CSMD3: variants seen among roughly 807,000 people sequenced by gnomAD.
The protein encoded by CSMD3 is CUB and sushi domain-containing protein 3.
Under a neutral mutation model 435.2 loss-of-function variants are expected in CSMD3, and 177 were observed. That is an observed-to-expected ratio of 0.41 (90% CI 0.36 to 0.46). CSMD3 has a LOEUF of 0.46. Among genes scored for constraint, CSMD3 ranks in the 20% least tolerant of loss-of-function variants. The probability of loss-of-function intolerance (pLI) is 0.34; values close to 1 mark genes in which losing one functional copy is unlikely to be tolerated. For synonymous variants in CSMD3, 1,656 were observed against 1,520.5 expected, an observed-to-expected ratio of 1.09 and a Z score of -2.07; for missense variants, 4,265 against 4,504.6, an observed-to-expected ratio of 0.95 and a Z score of 1.52.
chr8:112,929,760 G>A (rs2083045622), intron 9 of CSMD3, among the ~76,000 whole-genome samples: 1 of 151,954 alleles, frequency 6.6e-6, no homozygotes, highest in Admixed American at 6.6e-5. Context: ...GTTACTAGTA[G>A]AATGCGTTAG....
intron 28 of CSMD3, among the ~76,000 whole-genome samples, chr8:112,511,656 C>G (rs1215347046): frequency 6.6e-6 from 1 of 151,964 alleles, no homozygotes; most frequent in Non-Finnish European, 1.5e-5. Context: ...TCCCAAAGTG[C>G]TGGGATTACA....
At chr8:113,181,500 C>T (rs1299390446) in intron 3 of CSMD3, among the ~76,000 whole-genome samples, 1 of 151,958 alleles carries the variant, frequency 6.6e-6, no homozygotes, top group African/African-American at 2.4e-5. Context: ...GTTATGTTGA[C>T]CCATGAATAA....
intron 16 of CSMD3, among the ~76,000 whole-genome samples, chr8:112,681,503 T>C (rs74378115): frequency 5.3e-5 from 8 of 152,290 alleles, no homozygotes; most frequent in Admixed American, 2.0e-4. Context: ...ATGTAATTGA[T>C]GTTTTACTTT....
intron 22 of CSMD3, among the ~76,000 whole-genome samples, chr8:112,597,286 CA>C (rs997719804): frequency 4.0e-4 from 61 of 152,216 alleles, no homozygotes; most frequent in African/African-American, 1.4e-3. Flanking sequence ...ATAAATTCCT[CA>C]ACATATACAC....
At chr8:113,264,861 T>G in intron 3 of CSMD3, among the ~76,000 whole-genome samples, 1 of 151,688 alleles carries the variant, frequency 6.6e-6, no homozygotes, top group East Asian at 1.9e-4. Context: ...TTCCTTAACG[T>G]AGGAGATGTA....
At chr8:112,363,905 T>C (rs1827501212) in intron 38 of CSMD3, among the ~76,000 whole-genome samples, 1 of 152,064 alleles carries the variant, frequency 6.6e-6, no homozygotes. Flanking sequence ...CTACAATTAA[T>C]ATTTATTACA....
intron 32 of CSMD3, among the ~76,000 whole-genome samples, chr8:112,458,897 A>T (rs1817133903): frequency 6.6e-6 from 1 of 152,116 alleles, no homozygotes. Flanking sequence ...CTTTCTACTC[A>T]TGTGCCTGCT....
At chr8:112,466,637 C>T (rs1817982096) in intron 32 of CSMD3, among the ~76,000 whole-genome samples, 1 of 152,038 alleles carries the variant, frequency 6.6e-6, no homozygotes, top group African/African-American at 2.4e-5. Flanking sequence ...ATCTTATTTT[C>T]AATCCATTGT....
chr8:112,707,093 C>A (rs1041369608), intron 13 of CSMD3, among the ~76,000 whole-genome samples: 8 of 151,954 alleles, frequency 5.3e-5, no homozygotes, highest in Admixed American at 3.3e-4. Context: ...TAATAGCAAT[C>A]AAAGTAAATG....
intron 59 of CSMD3, 60 bp from the exon 60 acceptor site, chr8:112,265,650 G>C (rs1816876393): frequency 8.5e-7 from 1 of 1,176,414 alleles, no homozygotes; most frequent in Admixed American, 1.7e-5. Flanking sequence ...ATGGAGAGGA[G>C]TAGTAAGCAT....
intron 5 of CSMD3, among the ~76,000 whole-genome samples, chr8:113,025,344 T>C (rs1360072564): frequency 1.3e-5 from 2 of 151,996 alleles, no homozygotes; most frequent in Non-Finnish European, 2.9e-5. Flanking sequence ...GAAGCAGGAG[T>C]GTGGTTTATG....
intron 13 of CSMD3, among the ~76,000 whole-genome samples, chr8:112,784,596 C>G (rs938357740): frequency 6.6e-6 from 1 of 151,844 alleles, no homozygotes; most frequent in African/African-American, 2.4e-5. Context: ...ACAACTGATA[C>G]CACAGAAATT....
rs539365594 is a variant in CSMD3 at position 113,026,167 on chromosome 8, G to A, written c.918-6988C>T. On this transcript the variant is annotated intron_variant, in intron 5 of 70. Transcript: ENST00000297405. ...GTGGGCCTTTCTTGCAGCAAGAACT[G>A]TAGATGTGTATGTCGGGAACGGGGA... 9.2e-5 allele frequency among the ~76,000 whole-genome samples: 14 copies of A among 152,300 alleles called. 1 individual carries two copies. The highest frequency in any genetic ancestry group is 3.4e-4 in the African/African-American group (14 of 41,578).
At chr8:113,199,119 A>G (rs1021355265) in intron 3 of CSMD3, among the ~76,000 whole-genome samples, 5 of 150,130 alleles carry the variant, frequency 3.3e-5, no homozygotes, top group East Asian at 1.9e-4. Context: ...TATATAGTAT[A>G]TATTTGCAAC....
At chr8:113,420,633 G>A (rs1443784945) in intron 1 of CSMD3, among the ~76,000 whole-genome samples, 1 of 151,992 alleles carries the variant, frequency 6.6e-6, no homozygotes, top group African/African-American at 2.4e-5. Context: ...ATACATATAT[G>A]TATATGTAAT....
chr8:113,139,018 T>A (rs2091485369), intron 4 of CSMD3, among the ~76,000 whole-genome samples: 1 of 150,702 alleles, frequency 6.6e-6, no homozygotes, highest in Admixed American at 6.7e-5. Flanking sequence ...TTTTGAGAAA[T>A]CCTTTAAAAA....
At chr8:112,545,093 A>G (rs1015981304) in intron 27 of CSMD3, among the ~76,000 whole-genome samples, 3 of 152,232 alleles carry the variant, frequency 2.0e-5, no homozygotes, top group South Asian at 4.1e-4. Flanking sequence ...AATCCTGCCA[A>G]TTCATGGCCT....
intron 16 of CSMD3, among the ~76,000 whole-genome samples, chr8:112,667,079 C>T (rs2075543852): frequency 6.6e-6 from 1 of 152,116 alleles, no homozygotes; most frequent in African/African-American, 2.4e-5. Context: ...AGCTCACACA[C>T]AATTGAAACC....
intron 38 of CSMD3, among the ~76,000 whole-genome samples, chr8:112,356,009 C>T (rs1826568648): frequency 6.6e-6 from 1 of 152,000 alleles, no homozygotes; most frequent in Non-Finnish European, 1.5e-5. Flanking sequence ...GTCACAATGG[C>T]TATGATGTAA....
Sources: allele counts gnomAD v4.1 joint callset (sites outside exome capture counted in the v4.1 genomes callset), GRCh38; gene constraint gnomAD v4.1.1; transcripts MANE v1.5; gene names NCBI Gene and HGNC (gene_info 2026-07-23, HGNC 2026-07-21).